The following CRIM1 variants were observed in gnomAD, a reference collection of about 807,000 sequenced individuals.
CRIM1 encodes the protein cysteine-rich motor neuron 1 protein.
A neutral mutation model predicts 116.4 loss-of-function variants in CRIM1; 32 were observed. The observed-to-expected ratio is 0.27, with a 90% CI of 0.21 to 0.37. The LOEUF is 0.37. Among genes scored for constraint, CRIM1 ranks in the 10% least tolerant of loss-of-function variants. The pLI is 1.00. For missense variants in CRIM1, 1,331 were observed against 1,354.8 expected, an observed-to-expected ratio of 0.98 and a Z score of 0.28; for synonymous variants, 590 against 509.2, an observed-to-expected ratio of 1.16 and a Z score of -2.13.
At chr2:36,530,581 C>G (rs746492279) in intron 13 of CRIM1, among the ~76,000 whole-genome samples, 29 of 152,264 alleles carry the variant, frequency 1.9e-4, no homozygotes, top group Non-Finnish European at 3.7e-4. Context: ...TTAGAGAGTG[C>G]TGTAATGCAT....
At chr2:36,366,332 A>G (rs75112388) in intron 1 of CRIM1, among the ~76,000 whole-genome samples, 2,647 of 152,300 alleles carry the variant, frequency 0.017, 97 homozygotes, top group African/African-American at 0.061. Flanking sequence ...CATGTAACCT[A>G]CAAACAAAAT....
intron 2 of CRIM1, among the ~76,000 whole-genome samples, chr2:36,405,103 A>G (rs1473141972): frequency 2.6e-5 from 4 of 152,220 alleles, no homozygotes; most frequent in Non-Finnish European, 1.5e-5. Flanking sequence ...TCAGTAAACA[A>G]ATCTTTAGTA....
At chr2:36,496,999 C>A (rs116043120) in intron 7 of CRIM1, among the ~76,000 whole-genome samples, 3,061 of 152,254 alleles carry the variant, frequency 0.02, 50 homozygotes, top group Non-Finnish European at 0.029. Context: ...CTAAGCAAAT[C>A]CCTAAAATTC....
chr2:36,548,272 T>C (rs1351408246), intron 16 of CRIM1, among the ~76,000 whole-genome samples: 1 of 151,930 alleles, frequency 6.6e-6, no homozygotes, highest in East Asian at 1.9e-4. Flanking sequence ...CCAGTCTTTT[T>C]TTTTTTTTTT....
chr2:36,401,511 A>G (rs1388847235), intron 2 of CRIM1, among the ~76,000 whole-genome samples: 1 of 152,230 alleles, frequency 6.6e-6, no homozygotes, highest in Non-Finnish European at 1.5e-5. Flanking sequence ...TTAGTGCACC[A>G]TGGGCACATC....
At chr2:36,469,813 G>A (rs185789418) in intron 5 of CRIM1, among the ~76,000 whole-genome samples, 8 of 152,250 alleles carry the variant, frequency 5.3e-5, no homozygotes, top group South Asian at 2.1e-4. Context: ...AGCACCCCTC[G>A]TGTTCCTGGG....
intron 8 of CRIM1, among the ~76,000 whole-genome samples, chr2:36,506,972 G>T (rs186616722): frequency 2.1e-3 from 325 of 151,932 alleles, no homozygotes; most frequent in African/African-American, 6.8e-3. Flanking sequence ...TAATCCTCTT[G>T]CCTCAGCCTC....
At chr2:36,478,303 C>A (rs1247394659) in intron 6 of CRIM1, among the ~76,000 whole-genome samples, 1 of 152,090 alleles carries the variant, frequency 6.6e-6, no homozygotes, top group African/African-American at 2.4e-5. Flanking sequence ...AAATTTTTAA[C>A]CTTTCTAATT....
rs1325938132 is a variant in CRIM1 at position 36,378,074 on chromosome 2, G to A, written c.332-18540G>A. 2.6e-5 allele frequency among the ~76,000 whole-genome samples: 4 copies of A among 152,196 alleles called. No homozygotes were observed. The East Asian group carries it at 5.8e-4, about 22-fold the overall frequency. The stretch of plus-strand genomic sequence containing the variant: ...ACATGTGCAGTGGAGATATTAACGA[G>A]ACTTTACCCTTTCTAAACTTAGGGG... On this transcript the variant is annotated intron_variant, in intron 1 of 16. Coordinates refer to ENST00000280527, the MANE Select transcript of CRIM1 (RefSeq NM_016441.3).
intron 7 of CRIM1, among the ~76,000 whole-genome samples, chr2:36,498,495 A>T (rs1030966318): frequency 2.6e-5 from 4 of 152,226 alleles, no homozygotes; most frequent in African/African-American, 9.6e-5. Flanking sequence ...ATGTAAGTAT[A>T]TGTAGTTACC....
intron 2 of CRIM1, among the ~76,000 whole-genome samples, chr2:36,407,721 A>AT (rs1672918160): frequency 6.7e-6 from 1 of 149,982 alleles, no homozygotes; most frequent in East Asian, 2.0e-4. Flanking sequence ...AAAAAAAAAA[A>AT]GGAAGTCACG....
chr2:36,485,319 G>A (rs1245277819), intron 7 of CRIM1, among the ~76,000 whole-genome samples: 4 of 152,186 alleles, frequency 2.6e-5, no homozygotes, highest in South Asian at 2.1e-4. Flanking sequence ...TGTCAGGCAC[G>A]TCTTGACCTA....
rs1678604991 is a variant in CRIM1, at chr2:36,472,466, A to G, written c.992-4423A>G. 2.0e-5 allele frequency among the ~76,000 whole-genome samples: 3 copies of G among 152,032 alleles called. No homozygotes were observed. In the South Asian group the frequency reaches 6.2e-4, roughly 32 times the overall value. On this transcript the variant is annotated intron_variant, in intron 5 of 16. Transcript: ENST00000280527. ...GTTTTTAGGATTCTCCATCTTTCTC[A>G]CTTCCACTCCCTTGATCCTTGTGCT... is the stretch of plus-strand genomic sequence containing the variant.
At chr2:36,384,620 G>A (rs1671042263) in intron 1 of CRIM1, among the ~76,000 whole-genome samples, 1 of 152,212 alleles carries the variant, frequency 6.6e-6, no homozygotes, top group African/African-American at 2.4e-5. Flanking sequence ...TCACTGCTGT[G>A]TAAATAATAG....
At chr2:36,463,003 C>A (rs1405598852) in intron 4 of CRIM1, among the ~76,000 whole-genome samples, 1 of 152,184 alleles carries the variant, frequency 6.6e-6, no homozygotes, top group Non-Finnish European at 1.5e-5. Flanking sequence ...TCACACAAAA[C>A]AGGCAAACCT....
intron 8 of CRIM1, 64 bp from the exon 9 acceptor site, chr2:36,509,919 C>A: frequency 6.9e-7 from 1 of 1,449,384 alleles, no homozygotes; most frequent in Non-Finnish European, 9.4e-7. Flanking sequence ...GACCGTATTT[C>A]AGCATCGAAG....
intron 2 of CRIM1, among the ~76,000 whole-genome samples, chr2:36,424,324 G>A (rs1176765502): frequency 6.6e-6 from 1 of 152,202 alleles, no homozygotes; most frequent in Admixed American, 6.5e-5. Flanking sequence ...TGACCACAGT[G>A]CCCTTTGAGA....
At chr2:36,383,428 G>C (rs1163067259) in intron 1 of CRIM1, among the ~76,000 whole-genome samples, 1 of 152,198 alleles carries the variant, frequency 6.6e-6, no homozygotes, top group African/African-American at 2.4e-5. Flanking sequence ...GAATGCATAA[G>C]TAGTGAATAA....
At chr2:36,448,470 A>C (rs976992185) in intron 4 of CRIM1, among the ~76,000 whole-genome samples, 1 of 152,224 alleles carries the variant, frequency 6.6e-6, no homozygotes, top group Admixed American at 6.5e-5. Flanking sequence ...CTAATTTTAC[A>C]GACTCTTCAC....
Sources: gnomAD v4.1 joint callset for allele counts (sites outside exome capture counted in the v4.1 genomes callset) on GRCh38, gnomAD v4.1.1 for gene constraint, MANE v1.5 for transcripts, NCBI Gene and HGNC (gene_info 2026-07-23, HGNC 2026-07-21) for gene names.